The following NEDD1 variants were observed in gnomAD, a reference collection of about 807,000 sequenced individuals.
NEDD1 encodes NEDD1 gamma-tubulin ring complex targeting factor, also known as protein NEDD1.
In NEDD1, 33 loss-of-function variants were observed where a neutral mutation model predicts 74.0. That is an observed-to-expected ratio of 0.45 (90% CI 0.34 to 0.60). NEDD1 has a LOEUF of 0.60. Ranked by LOEUF, NEDD1 falls within the 20% of genes least tolerant of loss-of-function variation. NEDD1 has a pLI of 0.01. For missense variants in NEDD1, 746 were observed against 776.5 expected (o/e 0.96, Z 0.47); for synonymous variants, 250 against 264.4 (o/e 0.95, Z 0.53).
At chr12:96,907,479 G>A in intron 1 of NEDD1, 125 bp from the exon 2 acceptor site, 1 of 797,540 alleles carries the variant, frequency 1.3e-6, no homozygotes, top group Non-Finnish European at 2.1e-6. Context: ...AAGTGTCCGG[G>A]GAGGCGCGGG....
Position 96,913,488 on chromosome 12 carries a change from C to T in NEDD1, c.231+671C>T, listed in dbSNP as rs570419812. On this transcript the variant is annotated intron_variant, in intron 4 of 15. Transcript: ENST00000266742. ...TCCCCAGTTCAAGCGATTCTCCTGC[C>T]TCAGCCTCTCAAGTGGCAGGGATTA... Among the ~76,000 whole-genome samples, 4 of 152,252 alleles carry T rather than the reference C, an allele frequency of 2.6e-5. No homozygotes were observed. In the East Asian group the frequency reaches 5.8e-4, roughly 22 times the overall value.
intron 2 of NEDD1, among the ~76,000 whole-genome samples, chr12:96,909,493 T>C (rs868085781): frequency 6.6e-6 from 1 of 151,766 alleles, no homozygotes; most frequent in Non-Finnish European, 1.5e-5. Flanking sequence ...GAGAGTTACA[T>C]GGGGGCCAGG....
At chr12:96,911,009 GA>G in intron 3 of NEDD1, among the ~76,000 whole-genome samples, 1 of 152,196 alleles carries the variant, frequency 6.6e-6, no homozygotes, top group African/African-American at 2.4e-5. Flanking sequence ...TTTTCTTACT[GA>G]ATTAAATTTA....
rs143579860 is a variant in NEDD1 at position 96,951,702 on chromosome 12, A to G, written c.1878+204A>G. Reference sequence around the variant, plus strand: ...GAGATACTTAAGCCTTCTTTTTTCCATGGCTTTCTTCCTGATAAGTAAGCA... The same window carrying G: ...GAGATACTTAAGCCTTCTTTTTTCCGTGGCTTTCTTCCTGATAAGTAAGCA... On this transcript the variant is annotated intron_variant, in intron 15 of 15. Coordinates refer to ENST00000266742, the MANE Select transcript of NEDD1 (RefSeq NM_152905.4). Among the ~76,000 whole-genome samples, 80 of 151,804 alleles carry G rather than the reference A, an allele frequency of 5.3e-4. 1 individual carries two copies. The East Asian group carries it at 0.014, about 26-fold the overall frequency.
chr12:96,929,017 CAA>C (rs1479078379), intron 6 of NEDD1, among the ~76,000 whole-genome samples: 1 of 151,764 alleles, frequency 6.6e-6, no homozygotes, highest in Non-Finnish European at 1.5e-5. Flanking sequence ...TATGTAGTTT[CAA>C]GTCTTTTTTT....
chr12:96,927,294 T>C (rs1232413997), intron 6 of NEDD1, among the ~76,000 whole-genome samples: 1 of 152,222 alleles, frequency 6.6e-6, no homozygotes, highest in African/African-American at 2.4e-5. Context: ...TACTGAATTG[T>C]ATATATTGAA....
Position 96,919,839 on chromosome 12 carries a change from T to G in NEDD1, c.349-146T>G, listed in dbSNP as rs1825974509. On this transcript the variant is annotated intron_variant, in intron 5 of 15. Coordinates refer to ENST00000266742, the MANE Select transcript of NEDD1 (RefSeq NM_152905.4). ...GTGCCTGGACCATTTTTATCATTATTGAAAATAATTCTCTGTATATTTGAG... is the reference window on the plus strand; with the variant it reads ...GTGCCTGGACCATTTTTATCATTATGGAAAATAATTCTCTGTATATTTGAG... The G allele has an allele frequency of 9.8e-6, 5 of 510,260 alleles. No individual in the cohort carries two copies. The South Asian group carries it at 2.0e-4, about 20-fold the overall frequency. 31.6% of individuals were successfully genotyped at this position (510,260 alleles called of 1,614,324 possible). A position where few individuals can be genotyped will look rare whatever the true frequency, so the allele number is the denominator to read the frequency against.
Position 96,951,359 on chromosome 12 carries a change from T to G in NEDD1, c.1812-73T>G. 5.0e-6 allele frequency: 4 copies of G among 795,300 alleles called. No homozygotes were observed. The South Asian group carries it at 5.2e-5, about 10-fold the overall frequency. The allele number at this position is 795,300 out of a possible 1,614,324, so 49.3% of individuals were successfully genotyped here. A position where few individuals can be genotyped will look rare whatever the true frequency, so the allele number is the denominator to read the frequency against. On this transcript the variant is annotated intron_variant, in intron 14 of 15. Coordinates refer to ENST00000266742, the MANE Select transcript of NEDD1 (RefSeq NM_152905.4). ...CAGTAATTTGGCAAATGAAAAAGTT[T>G]AGTGAGTTTCTTGAATGACCTAGAA... is the stretch of plus-strand genomic sequence containing the variant.
At chr12:96,924,265 C>T (rs571170073) in intron 6 of NEDD1, among the ~76,000 whole-genome samples, 11 of 152,088 alleles carry the variant, frequency 7.2e-5, no homozygotes, top group Non-Finnish European at 1.2e-4. Context: ...TATGGTAGAT[C>T]GTGATATTTT....
intron 15 of NEDD1, 49 bp from the exon 16 acceptor site, chr12:96,951,900 A>G (rs957907202): frequency 2.0e-5 from 20 of 999,094 alleles, no homozygotes; most frequent in Non-Finnish European, 2.7e-5. Context: ...AGCCTGCCAA[A>G]TAAATGTGAA....
chr12:96,913,426 T>G (rs749012153), intron 4 of NEDD1, among the ~76,000 whole-genome samples: 1 of 151,666 alleles, frequency 6.6e-6, no homozygotes, highest in Admixed American at 6.6e-5. Flanking sequence ...CAGGCTGGAG[T>G]GCAATGGTGC....
rs1592924825 is a variant in NEDD1 at position 96,942,818 on chromosome 12, G to A, written c.1294+194G>A. 2.0e-5 allele frequency among the ~76,000 whole-genome samples: 3 copies of A among 152,124 alleles called. No homozygotes were observed. The East Asian group carries it at 5.8e-4, about 29-fold the overall frequency. ...CAAGTCTATCTTCCTGCTTCAATCA[G>A]GATGTCAACCAGAGCTTCATTCAAC... On this transcript the variant is annotated intron_variant, in intron 11 of 15. Coordinates refer to ENST00000266742, the MANE Select transcript of NEDD1 (RefSeq NM_152905.4).
Position 96,910,269 on chromosome 12 carries a change from A to G in NEDD1, c.136+374A>G, listed in dbSNP as rs771191182. On this transcript the variant is annotated intron_variant, in intron 3 of 15. Coordinates refer to ENST00000266742, the MANE Select transcript of NEDD1 (RefSeq NM_152905.4). ...GGTTTTGGAATGAGTTTTTGCATCTACATTTGGGTATTTGTGGATCTGAAC... is the reference window on the plus strand; with the variant it reads ...GGTTTTGGAATGAGTTTTTGCATCTGCATTTGGGTATTTGTGGATCTGAAC... 7.2e-5 allele frequency among the ~76,000 whole-genome samples: 11 copies of G among 152,338 alleles called. No individual in the cohort carries two copies. In the Middle Eastern group the frequency reaches 0.01, roughly 141 times the overall value.
intron 4 of NEDD1, among the ~76,000 whole-genome samples, chr12:96,916,053 G>GA (rs567904433): frequency 5.8e-4 from 89 of 152,190 alleles, no homozygotes; most frequent in Non-Finnish European, 8.7e-4. Flanking sequence ...TAGCTGTGTA[G>GA]AAGCCTTGAG....
In NEDD1 at chr12:96,940,535, A is replaced by G. The variant is rs531532375; in HGVS notation, c.1244A>G (p.Asp415Gly). 6.2e-7 allele frequency: 1 copy of G among 1,600,954 alleles called. No homozygotes were observed. Among genetic ancestry groups the G allele is most frequent in the South Asian group, 1.1e-5 (1 of 89,416 alleles). The change falls in exon 10 of 16, where the codon GAT (aspartate) becomes GGT (glycine). Residue 415 changes from aspartate to glycine, a missense_variant and splice_region_variant. Transcript: ENST00000266742. ...SLGDMFSPIR[D>G]DAVVNKGSDE... The stretch of plus-strand genomic sequence containing the variant: ...GGTGACATGTTCTCACCTATCAGAG[A>G]TGGTAAGTCTGTTCAGAGGATCCTG...
chr12:96,932,296 G>A (rs1252288446), intron 6 of NEDD1, among the ~76,000 whole-genome samples: 1 of 148,956 alleles, frequency 6.7e-6, no homozygotes, highest in African/African-American at 2.5e-5. Flanking sequence ...ACTGAAATAA[G>A]TTAATATTTA....
chr12:96,910,405 G>A (rs1592851531), intron 3 of NEDD1, among the ~76,000 whole-genome samples: 1 of 152,138 alleles, frequency 6.6e-6, no homozygotes, highest in Admixed American at 6.5e-5. Flanking sequence ...TCCTCTCTGT[G>A]TGTGTGATGA....
intron 3 of NEDD1, 23 bp from the exon 4 acceptor site, chr12:96,912,700 A>G: frequency 8.9e-7 from 1 of 1,125,836 alleles, no homozygotes; most frequent in Non-Finnish European, 1.3e-6. Flanking sequence ...GGATTGTTTG[A>G]TGCTCCATAA....
At chr12:96,929,594 CACACACAT>C (rs1161109148) in intron 6 of NEDD1, among the ~76,000 whole-genome samples, 5 of 62,718 alleles carry the variant, frequency 8.0e-5, no homozygotes, top group African/African-American at 4.0e-4. Context: ...CACACACACA[CACACACAT>C]ATGTGTATAT....
Sources: gnomAD v4.1 joint callset for allele counts (sites outside exome capture counted in the v4.1 genomes callset) on GRCh38, gnomAD v4.1.1 for gene constraint, MANE v1.5 for transcripts, NCBI Gene and HGNC (gene_info 2026-07-23, HGNC 2026-07-21) for gene names.